Variants in JAK1 observed in about 807,000 individuals in gnomAD.
JAK1 encodes the protein tyrosine-protein kinase JAK1.
In JAK1, 16 loss-of-function variants were observed where a neutral mutation model predicts 136.6. That is an observed-to-expected ratio of 0.12 (90% CI 0.08 to 0.18). The LOEUF (loss-of-function observed/expected upper bound fraction) is 0.18, where lower values mean the gene tolerates loss of function less well. Among genes scored for constraint, JAK1 ranks in the 10% least tolerant of loss-of-function variants. The pLI is 1.00. For missense variants in JAK1, 859 were observed against 1,450.1 expected (o/e 0.59, Z 6.62); for synonymous variants, 492 against 519.5 (o/e 0.95, Z 0.72).
intron 2 of JAK1, among the ~76,000 whole-genome samples, chr1:64,983,867 G>C (rs1646573142): frequency 6.6e-6 from 1 of 152,184 alleles, no homozygotes; most frequent in Non-Finnish European, 1.5e-5. Context: ...ATAGGCATAT[G>C]ACTTTTCTGA....
At chr1:65,047,724 A>G (rs12081036) in intron 1 of JAK1, among the ~76,000 whole-genome samples, 8,917 of 152,196 alleles carry the variant, frequency 0.059, 353 homozygotes, top group Admixed American at 0.15. Context: ...ATCTCAAAAA[A>G]AAAAAAAAGT....
chr1:64,984,926 A>T lies in JAK1; in HGVS notation c.-78+59554T>A. Reference sequence around the variant, plus strand: ...GGCCAGGGCCCTGGCTGAAGAGTTCAGCCACAATAAACCAGGGAATGTGGT... The same window carrying T: ...GGCCAGGGCCCTGGCTGAAGAGTTCTGCCACAATAAACCAGGGAATGTGGT... On this transcript the variant is annotated intron_variant, in intron 2 of 25. Coordinates refer to the JAK1 transcript ENST00000671954. This position sits in a 1 kb window ranked among gnomAD's most constrained non-coding sequence, Gnocchi z 4.1. The T allele has an allele frequency of 8.7e-7, 1 of 1,146,270 alleles. No individual in the cohort carries two copies. Among genetic ancestry groups the T allele is most frequent in the Non-Finnish European group, 1.3e-6 (1 of 757,664 alleles). The allele number at this position is 1,146,270 out of a possible 1,614,324, so 71.0% of individuals were successfully genotyped here. A position where few individuals can be genotyped will look rare whatever the true frequency, so the allele number is the denominator to read the frequency against.
intron 17 of JAK1, among the ~76,000 whole-genome samples, chr1:64,842,894 T>A (rs1654995362): frequency 6.6e-6 from 1 of 152,194 alleles, no homozygotes; most frequent in Non-Finnish European, 1.5e-5. Context: ...ATAAAGGTTC[T>A]ACCTCTTCAA....
At chr1:65,038,198 C>CA (rs771180399) in intron 2 of JAK1, among the ~76,000 whole-genome samples, 12 of 133,296 alleles carry the variant, frequency 9.0e-5, no homozygotes, top group Non-Finnish European at 3.2e-5. Flanking sequence ...TTTTTCTTTT[C>CA]TTTTTTTTTT....
chr1:64,922,000 T>A (rs1645501645), intron 1 of JAK1, among the ~76,000 whole-genome samples: 1 of 151,932 alleles, frequency 6.6e-6, no homozygotes, highest in Non-Finnish European at 1.5e-5. Context: ...TAGATCGGCA[T>A]AGGGACTTCA....
chr1:65,033,350 TA>T (rs1252297006), intron 2 of JAK1, among the ~76,000 whole-genome samples: 4 of 152,022 alleles, frequency 2.6e-5, no homozygotes. Context: ...AATAAAATTT[TA>T]AAATTTTTTT....
chr1:64,892,950 T>C (rs17127135), intron 1 of JAK1, among the ~76,000 whole-genome samples: 9,464 of 151,942 alleles, frequency 0.062, 603 homozygotes, highest in African/African-American at 0.16. Context: ...GACTAACATA[T>C]ACACGGGAAC....
rs1646579739 is a variant in JAK1 at position 64,984,496 on chromosome 1, A to C, written c.-78+59984T>G. The C allele has an allele frequency of 7.5e-6, 2 of 264,914 alleles. No individual in the cohort carries two copies. The highest frequency in any genetic ancestry group is 1.3e-4 in the South Asian group (2 of 15,180). The allele number at this position is 264,914 out of a possible 1,614,324, so 16.4% of individuals were successfully genotyped here. On this transcript the variant is annotated intron_variant, in intron 2 of 25. Transcript: ENST00000671954. The surrounding 1 kb of genome is among the most constrained non-coding windows in gnomAD (Gnocchi z 4.1). ...CTCCAGTCTTGTTGAGGGAGAAAGG[A>C]ATCAAGTAGCAGCATTCAGAAGCAG...
chr1:64,902,235 T>C (rs772666898), intron 1 of JAK1, among the ~76,000 whole-genome samples: 9 of 152,180 alleles, frequency 5.9e-5, no homozygotes, highest in Non-Finnish European at 8.8e-5. Context: ...AGAACTGATG[T>C]GTATTTTACT....
chr1:64,985,059 G>C, intron 2 of JAK1: 2 of 885,682 alleles, frequency 2.3e-6, no homozygotes, highest in Non-Finnish European at 3.9e-6. Context: ...CATGAGGATG[G>C]AACAAAAAGC....
intron 2 of JAK1, among the ~76,000 whole-genome samples, chr1:64,995,359 C>G (rs1030422089): frequency 6.6e-6 from 1 of 152,014 alleles, no homozygotes; most frequent in Non-Finnish European, 1.5e-5. Context: ...ATCAGTTTCC[C>G]TATAGCCCCT....
chr1:65,058,718 C>A (rs774833641), intron 1 of JAK1, among the ~76,000 whole-genome samples: 34 of 152,148 alleles, frequency 2.2e-4, no homozygotes, highest in Non-Finnish European at 4.4e-4. Context: ...AAGATGAACA[C>A]ATGACTTATC....
chr1:64,937,847 T>C (rs1472371238), intron 1 of JAK1, among the ~76,000 whole-genome samples: 1 of 152,104 alleles, frequency 6.6e-6, no homozygotes, highest in Non-Finnish European at 1.5e-5. Flanking sequence ...TAAATTACTC[T>C]CACTGTAAAA....
At chr1:65,033,973 C>T (rs780314261) in intron 2 of JAK1, among the ~76,000 whole-genome samples, 9 of 152,052 alleles carry the variant, frequency 5.9e-5, no homozygotes, top group Non-Finnish European at 8.8e-5. Context: ...GTGCCTGGCA[C>T]TCAAAATATG....
intron 1 of JAK1, among the ~76,000 whole-genome samples, chr1:64,950,569 C>A (rs996082401): frequency 6.6e-6 from 1 of 152,124 alleles, no homozygotes; most frequent in Non-Finnish European, 1.5e-5. Context: ...CAGTGCTAGC[C>A]ATCCGGCCAG....
intron 1 of JAK1, among the ~76,000 whole-genome samples, chr1:64,966,124 T>G (rs1021217988): frequency 2.8e-4 from 43 of 151,244 alleles, no homozygotes; most frequent in Admixed American, 6.6e-4. Flanking sequence ...GGCGACCTCC[T>G]CGCCGCCCGC....
At chr1:64,986,718 A>G (rs928062620) in intron 2 of JAK1, among the ~76,000 whole-genome samples, 2 of 152,032 alleles carry the variant, frequency 1.3e-5, no homozygotes, top group Non-Finnish European at 2.9e-5. Flanking sequence ...AAACAGAGAG[A>G]GACCGTCTCT....
chr1:64,844,706 T>G lies in JAK1; in HGVS notation c.2251+48A>C. On this transcript the variant is annotated intron_variant, in intron 16 of 24. Transcript: ENST00000342505. This position sits in a 1 kb window ranked among gnomAD's most constrained non-coding sequence, Gnocchi z 5.7. ...CAGCCCAGCCCTTCTCTCTGCTGAC[T>G]TGCCCCTGACTCGGGGTGGGGCCAG... 1.2e-6 allele frequency: 2 copies of G among 1,612,182 alleles called. No individual in the cohort carries two copies. Among genetic ancestry groups the G allele is most frequent in the Non-Finnish European group, 1.7e-6 (2 of 1,178,926 alleles).
chr1:64,939,452 T>C (rs1325523799), intron 1 of JAK1, among the ~76,000 whole-genome samples: 1 of 152,234 alleles, frequency 6.6e-6, no homozygotes, highest in African/African-American at 2.4e-5. Flanking sequence ...GTCACTAGTT[T>C]GCAGTAAGCG....
Sources: gnomAD v4.1 joint callset for allele counts (sites outside exome capture counted in the v4.1 genomes callset) on GRCh38, gnomAD v4.1.1 for gene constraint, Gnocchi (gnomAD v3.1) non-coding constraint, MANE v1.5 for transcripts, NCBI Gene and HGNC (gene_info 2026-07-23, HGNC 2026-07-21) for gene names.